Variants in SCARB2 observed in about 807,000 individuals in gnomAD.
SCARB2 encodes lysosome membrane protein 2.
In SCARB2, 29 loss-of-function variants were observed where a neutral mutation model predicts 58.6. The ratio of observed to expected loss-of-function variants is 0.49; its 90% CI spans 0.37 to 0.67. SCARB2 has a LOEUF of 0.67. Among genes scored for constraint, SCARB2 ranks in the 30% least tolerant of loss-of-function variants. The pLI is 0.00. For synonymous variants in SCARB2, 195 were observed against 210.1 expected (o/e 0.93, Z 0.62); for missense variants, 488 against 578.5 (o/e 0.84, Z 1.60).
chr4:76,171,253 T>TAA (rs1273604760), intron 7 of SCARB2, among the ~76,000 whole-genome samples: 2 of 152,162 alleles, frequency 1.3e-5, no homozygotes, highest in Non-Finnish European at 2.9e-5. Flanking sequence ...ATGTATTTTT[T>TAA]AAATCTGTTG....
chr4:76,231,094 A>G (rs1364218194), intron 1 of SCARB2, among the ~76,000 whole-genome samples: 12 of 152,166 alleles, frequency 7.9e-5, no homozygotes, highest in Admixed American at 7.9e-4. Flanking sequence ...TGCTAAGGTG[A>G]AACCGTAGAA....
At position 76,179,536 on chromosome 4, in the gene SCARB2, T is replaced by C. The variant is rs1018285383; in HGVS notation, c.593A>G (p.Tyr198Cys). The change falls in exon 4 of 12, where the codon TAT becomes TGT. Residue 198 changes from tyrosine to cysteine, a missense_variant. Physicochemically the swap from Tyr to Cys is radical, Grantham distance 194 (BLOSUM62 -2). Coordinates refer to ENST00000264896, the MANE Select transcript of SCARB2 (RefSeq NM_005506.4). ...ACTTACCTCATAGAATAGGCCAAAA[T>C]AGGGAGAGATATCGGGCCTGAAAAC... ...IHVFRPDISP[Y>C]FGLFYEKNGT... is the part of the protein sequence containing the mutation. 1.9e-6 allele frequency: 3 copies of C among 1,613,904 alleles called. No homozygotes were observed. The highest frequency in any genetic ancestry group is 2.2e-5 in the East Asian group (1 of 44,898).
At chr4:76,202,112 A>G (rs759462464) in intron 1 of SCARB2, among the ~76,000 whole-genome samples, 1 of 152,246 alleles carries the variant, frequency 6.6e-6, no homozygotes, top group Non-Finnish European at 1.5e-5. Flanking sequence ...TAAATTATCA[A>G]TCTACAGAAA....
At chr4:76,183,051 A>G (rs866127192) in intron 2 of SCARB2, among the ~76,000 whole-genome samples, 3 of 152,242 alleles carry the variant, frequency 2.0e-5, no homozygotes, top group South Asian at 2.1e-4. Flanking sequence ...AGACTTTAAA[A>G]TAAAAACAGA....
intron 1 of SCARB2, chr4:76,213,129 T>G: frequency 7.6e-6 from 3 of 394,802 alleles, no homozygotes; most frequent in East Asian, 5.9e-5. Context: ...CCACCTGAGA[T>G]TGGGGTGTAG....
chr4:76,204,392 C>T (rs1028656942), intron 1 of SCARB2, among the ~76,000 whole-genome samples: 2 of 152,178 alleles, frequency 1.3e-5, no homozygotes, highest in Non-Finnish European at 2.9e-5. Context: ...AACTAATGAG[C>T]TCTGATAGTT....
chr4:76,161,618 C>T lies in SCARB2; in HGVS notation c.*95G>A. The T allele has an allele frequency of 2.2e-6, 3 of 1,339,550 alleles. No homozygotes were observed. The highest frequency in any genetic ancestry group is 3.2e-6 in the Non-Finnish European group (3 of 930,378). 83.0% of individuals were successfully genotyped at this position (1,339,550 alleles called of 1,614,324 possible). A position where few individuals can be genotyped will look rare whatever the true frequency, so the allele number is the denominator to read the frequency against. Reference sequence around the variant, plus strand: ...CGCCGTGTCTTTTTCCTTCTTTCAACAGGCAACAAGCCTGCAAGGAGGTGG... The same window carrying T: ...CGCCGTGTCTTTTTCCTTCTTTCAATAGGCAACAAGCCTGCAAGGAGGTGG... On this transcript the variant is annotated 3_prime_UTR_variant, in exon 12 of 12. Coordinates refer to ENST00000264896, the MANE Select transcript of SCARB2 (RefSeq NM_005506.4).
Position 76,213,564 on chromosome 4 carries a change from C to T in SCARB2, c.-21G>A, listed in dbSNP as rs750630765. On this transcript the variant is annotated 5_prime_UTR_variant, in exon 1 of 12. Transcript: ENST00000264896. ...CCCATTCTGTGCGCCGCTCACGGGC[C>T]GGGCCGGGCCGCACCCGCCAGGGAT... is the stretch of plus-strand genomic sequence containing the variant. The T allele has an allele frequency of 9.5e-6, 15 of 1,584,638 alleles. No individual in the cohort carries two copies. Among genetic ancestry groups the T allele is most frequent in the East Asian group, 9.1e-5 (4 of 43,730 alleles).
intron 2 of SCARB2, among the ~76,000 whole-genome samples, chr4:76,185,932 T>C (rs918296989): frequency 1.3e-5 from 2 of 152,144 alleles, no homozygotes; most frequent in Admixed American, 6.5e-5. Flanking sequence ...CCTTGTAGGG[T>C]TGTTGTGAGA....
chr4:76,195,814 G>A lies in SCARB2; in HGVS notation c.168C>T (p.Pro56=). ...AGAACTGAGTATACACAGGCAGAGG[G>A]GGCTTCTCCCAGGAGTCAAATGCCT... ...GTEAFDSWEK[P]PLPVYTQFYF... The change falls in exon 2 of 12, where the codon CCC becomes CCT. Residue 56 remains proline, a synonymous_variant. Coordinates refer to ENST00000264896, the MANE Select transcript of SCARB2 (RefSeq NM_005506.4). 14 of 1,613,772 alleles carry A rather than the reference G, an allele frequency of 8.7e-6. No homozygotes were observed. The highest frequency in any genetic ancestry group is 9.3e-6 in the Non-Finnish European group (11 of 1,179,682).
In SCARB2 at chr4:76,222,259, C is replaced by T. The variant is rs148553531; in HGVS notation, c.-358+12044G>A. 5.6e-3 allele frequency among the ~76,000 whole-genome samples: 847 copies of T among 150,672 alleles called. 7 individuals carry two copies. The highest frequency in any genetic ancestry group is 0.019 in the African/African-American group (776 of 40,862). ...TTTTTTTTTCTGAGACCGAGTCTCA[C>T]TCTGTTGCCCAGGCTGGAGTGCAGT... On this transcript the variant is annotated intron_variant, in intron 1 of 11. Coordinates refer to the SCARB2 transcript ENST00000638295.
intron 1 of SCARB2, among the ~76,000 whole-genome samples, chr4:76,231,942 G>GTCT (rs1733500817): frequency 6.6e-6 from 1 of 152,220 alleles, no homozygotes; most frequent in South Asian, 2.1e-4. Flanking sequence ...TACCCTTCCA[G>GTCT]TCAAAGACTT....
rs75217148 is a variant in SCARB2, at chr4:76,168,346, C to T, written c.1187+57G>A. ...TGTACTCCTCCTGACATCAACCCCA[C>T]CAGACGGGCAATGGAGCAAAACTGC... On this transcript the variant is annotated intron_variant, in intron 9 of 11. Coordinates refer to ENST00000264896, the MANE Select transcript of SCARB2 (RefSeq NM_005506.4). 6,311 of 1,344,052 alleles carry T rather than the reference C, an allele frequency of 4.7e-3. 234 individuals carry two copies. The African/African-American group carries it at 0.08, about 17-fold the overall frequency. The allele number at this position is 1,344,052 out of a possible 1,614,324, so 83.3% of individuals were successfully genotyped here. A position where few individuals can be genotyped will look rare whatever the true frequency, so the allele number is the denominator to read the frequency against.
intron 6 of SCARB2, chr4:76,175,067 A>G (rs3796496): frequency 0.22 from 34,007 of 152,446 alleles, 4,625 homozygotes; most frequent in African/African-American, 0.39. Flanking sequence ...CATCTCTCGC[A>G]AGGTTGTGAA....
At chr4:76,174,611 G>T in intron 6 of SCARB2, 1 of 378,090 alleles carries the variant, frequency 2.6e-6, no homozygotes, top group Non-Finnish European at 5.1e-6. Context: ...AGAAATAAGA[G>T]GCCTCTCTAG....
chr4:76,173,399 T>C (rs565715464), intron 7 of SCARB2: 6 of 152,106 alleles, frequency 3.9e-5, no homozygotes, highest in African/African-American at 1.2e-4. Context: ...AGCACAATCA[T>C]AGCACAGTGC....
chr4:76,175,963 T>G lies in SCARB2; in HGVS notation c.705-53A>C, dbSNP rs1015875677. The G allele has an allele frequency of 5.6e-6, 9 of 1,606,754 alleles. No individual in the cohort carries two copies. The Admixed American group carries it at 1.0e-4, about 18-fold the overall frequency. On this transcript the variant is annotated intron_variant, in intron 5 of 11. Transcript: ENST00000264896. ...AAAGATGATCACATTTGAGTTTAGA[T>G]TCTCTTAAATGGTCAGGACTTTGCA...
In SCARB2 at chr4:76,195,835, T is replaced by C. The variant is rs764449103; in HGVS notation, c.147A>G (p.Ala49=). ...KKIVLRNGTE[A]FDSWEKPPLP... ...GAGGGGGCTTCTCCCAGGAGTCAAATGCCTCAGTACCATTCCTTAACACAA... is the reference window on the plus strand; with the variant it reads ...GAGGGGGCTTCTCCCAGGAGTCAAACGCCTCAGTACCATTCCTTAACACAA... Residue 49 remains alanine (A), a synonymous_variant, in exon 2 of 12, where the codon GCA becomes GCG. Coordinates refer to ENST00000264896, the MANE Select transcript of SCARB2 (RefSeq NM_005506.4). 3.1e-6 allele frequency: 5 copies of C among 1,613,778 alleles called. No homozygotes were observed. In the African/African-American group the frequency reaches 6.7e-5, roughly 22 times the overall value.
At chr4:76,223,139 G>T (rs192441431) in intron 1 of SCARB2, among the ~76,000 whole-genome samples, 49 of 152,266 alleles carry the variant, frequency 3.2e-4, no homozygotes, top group Non-Finnish European at 4.0e-4. Flanking sequence ...GGGCATGTTT[G>T]TACACCATTC....
Sources: gnomAD v4.1 joint callset for allele counts (sites outside exome capture counted in the v4.1 genomes callset) on GRCh38, gnomAD v4.1.1 for gene constraint, MANE v1.5 for transcripts, NCBI Gene and HGNC (gene_info 2026-07-23, HGNC 2026-07-21) for gene names.